Variants in LHX3 observed in about 807,000 individuals in gnomAD.
LHX3 encodes the protein LIM homeobox 3.
In LHX3, 21 loss-of-function variants were observed where a neutral mutation model predicts 32.4. The ratio of observed to expected loss-of-function variants is 0.65; its 90% CI spans 0.46 to 0.93. LHX3 has a LOEUF of 0.93. Among genes scored for constraint, LHX3 ranks in the 40% least tolerant of loss-of-function variants. The pLI is 0.00. For missense variants in LHX3, 626 were observed against 560.0 expected (o/e 1.12, Z -1.19); for synonymous variants, 258 against 246.8 (o/e 1.05, Z -0.43).
intron 5 of LHX3, 74 bp downstream of exon 5, chr9:136,198,578 G>A: frequency 1.4e-6 from 2 of 1,476,350 alleles, no homozygotes; most frequent in East Asian, 2.5e-5. Context: ...TCAGATCCGC[G>A]GGCTCCCTGG....
At chr9:136,201,725 G>A (rs1831643696) in intron 1 of LHX3, 2 of 983,948 alleles carry the variant, frequency 2.0e-6, no homozygotes, top group South Asian at 9.4e-5. Context: ...GGAAAAAACT[G>A]GGCTGCGCCT....
intron 1 of LHX3, chr9:136,203,257 G>T: frequency 2.1e-6 from 1 of 469,018 alleles, no homozygotes; most frequent in Non-Finnish European, 2.8e-6. Context: ...GGGTCGCGGA[G>T]ACCAGCCCGG....
At chr9:136,199,088 G>A (rs1240384291) in intron 3 of LHX3, 29 bp from the exon 4 acceptor site, 5 of 1,386,568 alleles carry the variant, frequency 3.6e-6, no homozygotes, top group Non-Finnish European at 4.7e-6. Flanking sequence ...GTGAGGCGCG[G>A]CAGCCCCTCC....
chr9:136,199,910 C>T, intron 2 of LHX3, 30 bp from the exon 3 acceptor site: 3 of 1,555,222 alleles, frequency 1.9e-6, no homozygotes, highest in Non-Finnish European at 2.6e-6. Flanking sequence ...GGGCTCAGCG[C>T]GGAAGCGCGA....
Position 136,200,754 on chromosome 9 carries a change from C to CT in LHX3, c.80-2dup, listed in dbSNP as rs1442790642. On this transcript the variant is annotated splice_acceptor_variant, in intron 1 of 5. Transcript: ENST00000371748. LOFTEE classifies it high-confidence loss of function. Reference sequence around the variant, plus strand: ...TCACAGCCAGCGCACAGCGGGATCTCTGTGGGCACGAGGAAGTTCTGGGTC... The same window carrying CT: ...TCACAGCCAGCGCACAGCGGGATCTCTTGTGGGCACGAGGAAGTTCTGGGTC... 6.2e-7 allele frequency: 1 copy of CT among 1,613,374 alleles called. No individual in the cohort carries two copies. The highest frequency in any genetic ancestry group is 1.3e-5 in the African/African-American group (1 of 75,064).
Position 136,197,088 on chromosome 9 carries a change from C to CA in LHX3, c.*236dup. The CA allele has an allele frequency of 1.7e-6, 1 of 590,004 alleles. No individual in the cohort carries two copies. The highest frequency in any genetic ancestry group is 3.0e-6 in the Non-Finnish European group (1 of 330,384). The allele number at this position is 590,004 out of a possible 1,614,324, so 36.5% of individuals were successfully genotyped here. On this transcript the variant is annotated 3_prime_UTR_variant, in exon 6 of 6. Transcript: ENST00000371748. ...TCAATAAAGGGGAGAAATTTGCTTA[C>CA]AAAAAAGGCTGGCTTGCTGGGAGGC... is the stretch of plus-strand genomic sequence containing the variant.
chr9:136,201,314 G>C (rs1417323795), intron 1 of LHX3: 1 of 1,255,728 alleles, frequency 8.0e-7, no homozygotes, highest in East Asian at 3.0e-5. Context: ...TCATTGGGCA[G>C]CCGCAAAATT....
In LHX3 at chr9:136,203,009, G is replaced by A. The variant is rs891625870; in HGVS notation, c.79+1925C>T. ...AGCAGGTCGCCTCCCGCCGACTCCCGGGCCGGGCCCAGCTCCCCGCGCGCC... is the reference window on the plus strand; with the variant it reads ...AGCAGGTCGCCTCCCGCCGACTCCCAGGCCGGGCCCAGCTCCCCGCGCGCC... On this transcript the variant is annotated intron_variant, in intron 1 of 5. Transcript: ENST00000371748. 5.9e-6 allele frequency: 9 copies of A among 1,523,828 alleles called. No individual in the cohort carries two copies. The Admixed American group carries it at 1.4e-4, about 24-fold the overall frequency. 94.4% of individuals were successfully genotyped at this position (1,523,828 alleles called of 1,614,324 possible). A position where few individuals can be genotyped will look rare whatever the true frequency, so the allele number is the denominator to read the frequency against.
In LHX3 at chr9:136,196,913, G is replaced by A; in HGVS notation, c.*412C>T. On this transcript the variant is annotated 3_prime_UTR_variant, in exon 6 of 6. Coordinates refer to ENST00000371748, the MANE Select transcript of LHX3 (RefSeq NM_178138.6). Reference sequence around the variant, plus strand: ...CGGGGTGACGGCTCCAAGACACATGGAGCCTGGGAAGTGAAAGCACAATTA... The same window carrying A: ...CGGGGTGACGGCTCCAAGACACATGAAGCCTGGGAAGTGAAAGCACAATTA... The A allele has an allele frequency of 4.3e-6, 1 of 234,216 alleles. No individual in the cohort carries two copies. Among genetic ancestry groups the A allele is most frequent in the Non-Finnish European group, 8.4e-6 (1 of 118,562 alleles). 14.5% of individuals were successfully genotyped at this position (234,216 alleles called of 1,614,324 possible). A position where few individuals can be genotyped will look rare whatever the true frequency, so the allele number is the denominator to read the frequency against.
At chr9:136,200,519 G>A in intron 2 of LHX3, 63 bp downstream of exon 2, 1 of 1,536,706 alleles carries the variant, frequency 6.5e-7, no homozygotes, top group Non-Finnish European at 8.9e-7. Context: ...GATTGTGAGG[G>A]GAGGAGTCCC....
intron 1 of LHX3, chr9:136,203,265 C>A: frequency 2.5e-6 from 1 of 399,784 alleles, no homozygotes; most frequent in South Asian, 1.0e-4. Flanking sequence ...GAGACCAGCC[C>A]GGGCCACTGC....
intron 1 of LHX3, chr9:136,201,400 C>T: frequency 8.1e-7 from 1 of 1,233,958 alleles, no homozygotes. Context: ...GTCAGAGTTA[C>T]TCAAACGTCT....
Position 136,197,253 on chromosome 9 carries a change from C to T in LHX3, c.*72G>A, listed in dbSNP as rs1831511529. The T allele has an allele frequency of 6.5e-7, 1 of 1,538,350 alleles. No homozygotes were observed. Among genetic ancestry groups the T allele is most frequent in the Non-Finnish European group, 8.9e-7 (1 of 1,121,424 alleles). On this transcript the variant is annotated 3_prime_UTR_variant, in exon 6 of 6. Coordinates refer to ENST00000371748, the MANE Select transcript of LHX3 (RefSeq NM_178138.6). ...CGCCCTGGCCCCACTTCCTCGGAAA[C>T]CCCAGCAGCCCCGAGCCGCCCACCC...
At chr9:136,202,882 A>G (rs1021415680) in intron 1 of LHX3, 56 of 1,504,324 alleles carry the variant, frequency 3.7e-5, no homozygotes, top group Non-Finnish European at 4.6e-5. Context: ...CTCCGCGGCC[A>G]GGCCCGGAAA....
chr9:136,197,840 G>T, intron 5 of LHX3, 97 bp from the exon 6 acceptor site: 1 of 1,310,810 alleles, frequency 7.6e-7, no homozygotes, highest in Non-Finnish European at 1.1e-6. Context: ...GTCGGAGAAA[G>T]AGTGGCTGCC....
chr9:136,200,576 G>T lies in LHX3; in HGVS notation c.251+6C>A, dbSNP rs758278365. Reference sequence around the variant, plus strand: ...TCCCACACTGAGGTGAGGTTTCGGGGCTCACTTGAAAAAGTCGTCCTTGCA... The same window carrying T: ...TCCCACACTGAGGTGAGGTTTCGGGTCTCACTTGAAAAAGTCGTCCTTGCA... On this transcript the variant is annotated splice_donor_region_variant and intron_variant, in intron 2 of 5. Transcript: ENST00000371748. 1 of 1,613,078 alleles carries T rather than the reference G, an allele frequency of 6.2e-7. No homozygotes were observed. The highest frequency in any genetic ancestry group is 8.5e-7 in the Non-Finnish European group (1 of 1,179,898).
At chr9:136,203,197 C>A (rs1831688091) in intron 1 of LHX3, 3 of 1,066,004 alleles carry the variant, frequency 2.8e-6, no homozygotes, top group South Asian at 4.2e-5. Flanking sequence ...TCTGGCCGAG[C>A]GGAGGGCGGA....
Position 136,205,086 on chromosome 9 carries a change from A to C in LHX3, c.-74T>G. 1 of 1,296,584 alleles carries C rather than the reference A, an allele frequency of 7.7e-7. No homozygotes were observed. The highest frequency in any genetic ancestry group is 1.1e-6 in the Non-Finnish European group (1 of 948,110). The allele number at this position is 1,296,584 out of a possible 1,614,324, so 80.3% of individuals were successfully genotyped here. A position where few individuals can be genotyped will look rare whatever the true frequency, so the allele number is the denominator to read the frequency against. On this transcript the variant is annotated 5_prime_UTR_variant, in exon 1 of 6. Coordinates refer to ENST00000371748, the MANE Select transcript of LHX3 (RefSeq NM_178138.6). ...GTCCCCTGGAGGGTTCGGGGCTCCC[A>C]AGTCCCGCCGCGTCGTGCGGGGCAG...
chr9:136,197,772 G>A (rs781156762), intron 5 of LHX3, 29 bp from the exon 6 acceptor site: 13 of 1,596,718 alleles, frequency 8.1e-6, no homozygotes, highest in East Asian at 4.5e-5. Flanking sequence ...CTCAGTCAGC[G>A]CCTGCCCTCC....
Sources: gnomAD v4.1 joint callset for allele counts on GRCh38, gnomAD v4.1.1 for gene constraint, MANE v1.5 for transcripts, NCBI Gene and HGNC (gene_info 2026-07-23, HGNC 2026-07-21) for gene names.